Variants in SHROOM4 observed in about 807,000 individuals in gnomAD.
The protein encoded by SHROOM4 is shroom family member 4.
A neutral mutation model predicts 80.3 loss-of-function variants in SHROOM4; 17 were observed. That is an observed-to-expected ratio of 0.21 (90% CI 0.14 to 0.32). The LOEUF (loss-of-function observed/expected upper bound fraction) is 0.32. Among genes scored for constraint, SHROOM4 ranks in the 10% least tolerant of loss-of-function variants. The pLI, the probability that SHROOM4 is intolerant of heterozygous loss-of-function variation, is 1.00. For missense variants in SHROOM4, 993 were observed against 1,140.3 expected (o/e 0.87, Z 1.86); for synonymous variants, 400 against 437.5 (o/e 0.91, Z 1.07).
In SHROOM4 at chrX:50,765,985, G is replaced by A. The variant is rs148425623; in HGVS notation, c.117+47917C>T. On this transcript the variant is annotated intron_variant, in intron 1 of 8. Coordinates refer to ENST00000376020, the MANE Select transcript of SHROOM4 (RefSeq NM_020717.5). ...CTTCACCTGGTATGTTTCCTTCACC[G>A]TCATCACCCTGTCTTGCTAGTCTGA... Among the ~76,000 whole-genome samples, 178 of 111,336 alleles carry A rather than the reference G, an allele frequency of 1.6e-3. 1 individual carries two copies. Among genetic ancestry groups the A allele is most frequent in the African/African-American group, 5.4e-3 (164 of 30,654 alleles).
At chrX:50,586,354 C>CTAT (rs1557244837), downstream of SHROOM4, among the ~76,000 whole-genome samples, 1 of 111,379 alleles carries the variant, frequency 9.0e-6, no homozygotes, top group Non-Finnish European at 1.9e-5. Flanking sequence ...TTTTCCTTTG[C>CTAT]AAAAAATAGA....
chrX:50,605,258 C>A (rs782173352), intron 6 of SHROOM4, among the ~76,000 whole-genome samples: 2 of 111,681 alleles, frequency 1.8e-5, no homozygotes, highest in Non-Finnish European at 3.8e-5. Flanking sequence ...TGAATGGTAA[C>A]TATTTCATAG....
chrX:50,781,177 G>A (rs964728807), intron 1 of SHROOM4, among the ~76,000 whole-genome samples: 1 of 111,254 alleles, frequency 9.0e-6, no homozygotes, highest in Admixed American at 9.5e-5. Context: ...TATTGGTGAG[G>A]GTGATCTTCT....
At chrX:50,653,247 G>A (rs1413068684) in intron 2 of SHROOM4, among the ~76,000 whole-genome samples, 2 of 111,412 alleles carry the variant, frequency 1.8e-5, no homozygotes, top group African/African-American at 6.5e-5. Context: ...ATTTCCTTGA[G>A]CAGTGGTTTG....
intron 4 of SHROOM4, among the ~76,000 whole-genome samples, chrX:50,632,512 A>G (rs782693052): frequency 8.9e-6 from 1 of 111,963 alleles, no homozygotes; most frequent in East Asian, 2.8e-4. Context: ...GTAATAGGTC[A>G]TAACCGGGAT....
At chrX:50,611,088 T>C (rs1344358653) in intron 5 of SHROOM4, among the ~76,000 whole-genome samples, 2 of 110,296 alleles carry the variant, frequency 1.8e-5, no homozygotes, top group Non-Finnish European at 3.8e-5. Context: ...GTACAGACCA[T>C]ATTTTCTCAT....
chrX:50,579,661 T>A, the SHROOM4 span, among the ~76,000 whole-genome samples: 1 of 111,415 alleles, frequency 9.0e-6, no homozygotes, highest in African/African-American at 3.3e-5. Flanking sequence ...TATTTTACTG[T>A]GCAACAGGGC....
intron 5 of SHROOM4, among the ~76,000 whole-genome samples, chrX:50,621,452 A>G (rs1930569668): frequency 8.9e-6 from 1 of 112,216 alleles, no homozygotes; most frequent in South Asian, 3.7e-4. Flanking sequence ...AAATTTTACT[A>G]TAAATTTGAC....
chrX:50,763,848 T>C lies in SHROOM4; in HGVS notation c.117+50054A>G, dbSNP rs1291105439. Among the ~76,000 whole-genome samples the C allele has an allele frequency of 2.7e-5, 3 of 111,374 alleles. No individual in the cohort carries two copies. In the East Asian group the frequency reaches 8.5e-4, roughly 32 times the overall value. On this transcript the variant is annotated intron_variant, in intron 1 of 8. Transcript: ENST00000376020. ...CACTTTCTGGTTGCTTTTGAGTCAA[T>C]GCAGTGTAGCACATGTGCATGCCAT...
chrX:50,607,369 A>G lies in SHROOM4; in HGVS notation c.3761+12T>C. The G allele has an allele frequency of 8.3e-7, 1 of 1,210,190 alleles. No individual in the cohort carries two copies. Among genetic ancestry groups the G allele is most frequent in the Admixed American group, 2.2e-5 (1 of 45,972 alleles). Reference sequence around the variant, plus strand: ...CCTCTTCAGAGACCTAGTATCTTTCATATGTACTTACTTGGCGGATTCAGT... The same window carrying G: ...CCTCTTCAGAGACCTAGTATCTTTCGTATGTACTTACTTGGCGGATTCAGT... On this transcript the variant is annotated intron_variant, in intron 6 of 8. Transcript: ENST00000376020.
At chrX:50,660,543 TCC>T (rs1932464436) in intron 2 of SHROOM4, among the ~76,000 whole-genome samples, 11 of 31,794 alleles carry the variant, frequency 3.5e-4, no homozygotes, top group South Asian at 3.7e-3. Context: ...CCTCCCTCCC[TCC>T]CTCTCTCTCC....
Position 50,630,932 on chromosome X carries a change from C to T in SHROOM4, c.2895+2246G>A, listed in dbSNP as rs1471023669. 4.5e-5 allele frequency among the ~76,000 whole-genome samples: 5 copies of T among 111,651 alleles called. No homozygotes were observed. In the East Asian group the frequency reaches 1.4e-3, roughly 31 times the overall value. ...CTTTCTACCAAAAAACCTCCAGGCCCAGATGGCTTCAGTGATGAATTCAAG... is the reference window on the plus strand; with the variant it reads ...CTTTCTACCAAAAAACCTCCAGGCCTAGATGGCTTCAGTGATGAATTCAAG... On this transcript the variant is annotated intron_variant, in intron 4 of 8. Transcript: ENST00000376020.
At chrX:50,642,248 C>T (rs958138057) in intron 2 of SHROOM4, among the ~76,000 whole-genome samples, 3 of 111,831 alleles carry the variant, frequency 2.7e-5, no homozygotes, top group Non-Finnish European at 5.6e-5. Flanking sequence ...GGGAAGATGA[C>T]CATCTGTTTT....
At chrX:50,667,504 A>C (rs1257609898) in intron 2 of SHROOM4, among the ~76,000 whole-genome samples, 4 of 111,403 alleles carry the variant, frequency 3.6e-5, no homozygotes, top group Non-Finnish European at 5.6e-5. Flanking sequence ...ACTTTCTCCC[A>C]TTCCTTTCAC....
chrX:50,579,498 A>C, the SHROOM4 span, among the ~76,000 whole-genome samples: 1 of 111,840 alleles, frequency 8.9e-6, no homozygotes, highest in African/African-American at 3.3e-5. Flanking sequence ...AAAACCCTAT[A>C]ATTTATGGGG....
chrX:50,738,176 T>A (rs1455779872), intron 1 of SHROOM4, among the ~76,000 whole-genome samples: 1 of 111,003 alleles, frequency 9.0e-6, no homozygotes, highest in Non-Finnish European at 1.9e-5. Context: ...ATGGGACGTA[T>A]CTCAAAATAA....
intron 7 of SHROOM4, among the ~76,000 whole-genome samples, chrX:50,599,516 A>G (rs1008203347): frequency 9.0e-6 from 1 of 111,697 alleles, no homozygotes; most frequent in Admixed American, 9.5e-5. Context: ...TTATGCATGC[A>G]AAGTGTTTGG....
downstream of SHROOM4, among the ~76,000 whole-genome samples, chrX:50,583,476 G>A (rs1928700522): frequency 1.8e-5 from 2 of 111,421 alleles, no homozygotes; most frequent in Admixed American, 1.9e-4. Flanking sequence ...ATAGAATATG[G>A]CAAAGGTGAT....
chrX:50,799,817 C>T (rs1936083417), intron 1 of SHROOM4, among the ~76,000 whole-genome samples: 1 of 112,073 alleles, frequency 8.9e-6, no homozygotes, highest in South Asian at 3.7e-4. Flanking sequence ...CACATAGCAA[C>T]AAGTGGGATG....
Sources: allele counts gnomAD v4.1 joint callset (sites outside exome capture counted in the v4.1 genomes callset), GRCh38; gene constraint gnomAD v4.1.1; transcripts MANE v1.5; gene names NCBI Gene and HGNC (gene_info 2026-07-23, HGNC 2026-07-21).